MASP1: variants seen among roughly 807,000 people sequenced by gnomAD.
MASP1 encodes mannan-binding lectin serine protease 1.
A neutral mutation model predicts 77.1 loss-of-function variants in MASP1; 59 were observed. The ratio of observed to expected loss-of-function variants is 0.77; its 90% CI spans 0.62 to 0.95. The LOEUF (loss-of-function observed/expected upper bound fraction) is 0.95, where lower values mean the gene tolerates loss of function less well. MASP1 is among the 40% of genes least tolerant of loss of function. The pLI is 0.00. For missense variants in MASP1, 885 were observed against 912.9 expected, an observed-to-expected ratio of 0.97 and a Z score of 0.39; for synonymous variants, 362 against 354.5, an observed-to-expected ratio of 1.02 and a Z score of -0.24.
At position 187,257,333 on chromosome 3, in the gene MASP1, A is replaced by G. The variant is rs552343443; in HGVS notation, c.548-473T>C. Among the ~76,000 whole-genome samples the G allele has an allele frequency of 5.9e-5, 9 of 152,202 alleles. No individual in the cohort carries two copies. The South Asian group carries it at 1.9e-3, about 32-fold the overall frequency. Reference sequence around the variant, plus strand: ...CTTTATAGTGCTATTCACTCTGTTCAACTAAATGTAGCCTTAAGCTTCCTT... The same window carrying G: ...CTTTATAGTGCTATTCACTCTGTTCGACTAAATGTAGCCTTAAGCTTCCTT... On this transcript the variant is annotated intron_variant, in intron 4 of 10. Coordinates refer to ENST00000296280, the MANE Select transcript of MASP1 (RefSeq NM_139125.4).
chr3:187,220,492 C>CTTTTTTTTTTTTTTTTTTT (rs747532550), intron 15 of MASP1, among the ~76,000 whole-genome samples: 7 of 134,556 alleles, frequency 5.2e-5, no homozygotes, highest in Non-Finnish European at 1.1e-4. Context: ...TTTCTTTTTT[C>CTTTTTTTTTTTTTTTTTTT]TTTCTTTTTT....
chr3:187,289,680 TAC>T (rs1718150754), intron 1 of MASP1, among the ~76,000 whole-genome samples: 4 of 152,232 alleles, frequency 2.6e-5, no homozygotes, highest in African/African-American at 9.6e-5. Flanking sequence ...CATTCCGACG[TAC>T]AGTCAGAATT....
Position 187,253,287 on chromosome 3 carries a change from G to A in MASP1, c.773C>T (p.Pro258Leu), listed in dbSNP as rs771300183. Residue 258 changes from proline (P) to leucine (L), a missense_variant, in exon 6 of 11, where the codon CCT becomes CTT. Physicochemically the swap from Pro to Leu is moderately conservative, Grantham distance 98. Coordinates refer to ENST00000296280, the MANE Select transcript of MASP1 (RefSeq NM_139125.4). ...KIKVGPKVLG[P>L]FCGEKAPEPI... ...TTCTGGGGCTTTCTCTCCACAGAAA[G>A]GCCCCAAAACTTTTGGACCAACTTT... 42 of 1,614,032 alleles carry A rather than the reference G, an allele frequency of 2.6e-5. No individual in the cohort carries two copies. The South Asian group carries it at 4.5e-4, about 17-fold the overall frequency.
intron 2 of MASP1, among the ~76,000 whole-genome samples, chr3:187,284,990 G>T (rs1220537472): frequency 6.6e-6 from 1 of 152,194 alleles, no homozygotes; most frequent in Admixed American, 6.5e-5. Flanking sequence ...CTCTAGAGTT[G>T]TTTGATGAGA....
chr3:187,229,846 C>T (rs756959328), downstream of MASP1: 1 of 1,614,108 alleles, frequency 6.2e-7, no homozygotes, highest in Non-Finnish European at 8.5e-7. Flanking sequence ...GGCTGGGCGT[C>T]CATTGAAGAT....
rs1459245417 is a variant in MASP1, at chr3:187,260,760, T to A, written c.528A>T (p.Thr176=). The A allele has an allele frequency of 1.2e-6, 2 of 1,614,194 alleles. No individual in the cohort carries two copies. The highest frequency in any genetic ancestry group is 1.7e-6 in the Non-Finnish European group (2 of 1,180,036). Reference sequence around the variant, plus strand: ...CTCTACCTCGGCAGGTCCTGTTGTCTGTGTGGAGGATGTAGCCGAAGCGGC... The same window carrying A: ...CTCTACCTCGGCAGGTCCTGTTGTCAGTGTGGAGGATGTAGCCGAAGCGGC... The part of the protein sequence containing the change: ...CSCRFGYILH[T]DNRTCRVECS... The change falls in exon 4 of 11, where the codon ACA becomes ACT. Residue 176 remains threonine, a synonymous_variant. Coordinates refer to ENST00000296280, the MANE Select transcript of MASP1 (RefSeq NM_139125.4).
intron 8 of MASP1, 129 bp downstream of exon 8, chr3:187,250,122 T>C: frequency 2.5e-6 from 2 of 792,788 alleles, no homozygotes; most frequent in South Asian, 1.4e-5. Flanking sequence ...CCCTTGTGTG[T>C]CTGTTAAATT....
downstream of MASP1, chr3:187,229,983 T>C: frequency 6.8e-7 from 1 of 1,477,928 alleles, no homozygotes; most frequent in Non-Finnish European, 9.3e-7. Flanking sequence ...CTCACCCTGT[T>C]AGGAACATCT....
Position 187,256,870 on chromosome 3 carries a change from A to G in MASP1, c.548-10T>C, listed in dbSNP as rs1715134814. On this transcript the variant is annotated splice_polypyrimidine_tract_variant and intron_variant, in intron 4 of 10. Coordinates refer to ENST00000296280, the MANE Select transcript of MASP1 (RefSeq NM_139125.4). The stretch of plus-strand genomic sequence containing the variant: ...TTGTCACTGCACTCCACTGTTGGAA[A>G]CATAATAGAGAAAATGGCGCATCGC... 6.2e-7 allele frequency: 1 copy of G among 1,613,240 alleles called. No individual in the cohort carries two copies. Among genetic ancestry groups the G allele is most frequent in the Non-Finnish European group, 8.5e-7 (1 of 1,179,388 alleles).
At chr3:187,262,134 C>T (rs1715632440) in intron 3 of MASP1, among the ~76,000 whole-genome samples, 1 of 152,142 alleles carries the variant, frequency 6.6e-6, no homozygotes, top group Non-Finnish European at 1.5e-5. Flanking sequence ...TGGTAAAGTT[C>T]AGTGTCTTGT....
intron 14 of MASP1, chr3:187,221,235 A>G: frequency 3.9e-6 from 3 of 769,748 alleles, no homozygotes; most frequent in South Asian, 1.5e-5. Context: ...ACCTGGACGG[A>G]CCTGTGTCTA....
At position 187,277,105 on chromosome 3, in the gene MASP1, A is replaced by C. The variant is rs575876704; in HGVS notation, c.237+8720T>G. On this transcript the variant is annotated intron_variant, in intron 2 of 10. Coordinates refer to ENST00000296280, the MANE Select transcript of MASP1 (RefSeq NM_139125.4). ...CCATCAGAACTGGAAGGGTTTGGAGAGGCCAGCTGGTCCAGTTCCCTCATC... is the reference window on the plus strand; with the variant it reads ...CCATCAGAACTGGAAGGGTTTGGAGCGGCCAGCTGGTCCAGTTCCCTCATC... Among the ~76,000 whole-genome samples the C allele has an allele frequency of 1.2e-4, 19 of 152,242 alleles. No individual in the cohort carries two copies. The East Asian group carries it at 3.3e-3, about 26-fold the overall frequency.
intron 2 of MASP1, among the ~76,000 whole-genome samples, chr3:187,265,327 A>G (rs941369467): frequency 1.3e-5 from 2 of 152,202 alleles, no homozygotes; most frequent in Non-Finnish European, 1.5e-5. Context: ...AAGTGAACAC[A>G]CTGGTCATTT....
chr3:187,282,510 A>G lies in MASP1; in HGVS notation c.237+3315T>C, dbSNP rs3821811. 4.7e-3 allele frequency among the ~76,000 whole-genome samples: 616 copies of G among 131,452 alleles called. 3 individuals are homozygous for G. The highest frequency in any genetic ancestry group is 6.1e-3 in the Non-Finnish European group (384 of 63,018). The allele number at this position is 131,452 out of a possible 152,430, so 86.2% of individuals were successfully genotyped here. A position where few individuals can be genotyped will look rare whatever the true frequency, so the allele number is the denominator to read the frequency against. On this transcript the variant is annotated intron_variant, in intron 2 of 10. Coordinates refer to ENST00000296280, the MANE Select transcript of MASP1 (RefSeq NM_139125.4). ...GATTCCGTTTCAAAAAAAAAAAAAAAAAGAAGAAGAAGAAAACGTGTACTG... is the reference window on the plus strand; with the variant it reads ...GATTCCGTTTCAAAAAAAAAAAAAAGAAGAAGAAGAAGAAAACGTGTACTG...
intron 9 of MASP1, chr3:187,243,072 A>AG: frequency 3.2e-6 from 1 of 310,898 alleles, no homozygotes; most frequent in Non-Finnish European, 6.2e-6. Context: ...GTGAAGCAGT[A>AG]ATACTGGCCT....
chr3:187,262,515 C>G lies in MASP1; in HGVS notation c.415+28G>C, dbSNP rs769585497. The G allele has an allele frequency of 8.1e-6, 13 of 1,610,790 alleles. No individual in the cohort carries two copies. The South Asian group carries it at 1.2e-4, about 15-fold the overall frequency. On this transcript the variant is annotated intron_variant, in intron 3 of 10. Transcript: ENST00000296280. The stretch of plus-strand genomic sequence containing the variant: ...CATCTTCGGAGAGAGAGAGAGAGAC[C>G]TGAGGATGAGTCACTTCTCCAACTT...
At chr3:187,237,343 T>G (rs1363171443) in intron 10 of MASP1, among the ~76,000 whole-genome samples, 1 of 106,886 alleles carries the variant, frequency 9.4e-6, no homozygotes, top group African/African-American at 2.5e-5. Flanking sequence ...CTTAACTAGA[T>G]TCTAAGTCTT....
At chr3:187,267,713 C>T (rs940787609) in intron 2 of MASP1, among the ~76,000 whole-genome samples, 5 of 152,234 alleles carry the variant, frequency 3.3e-5, no homozygotes, top group African/African-American at 1.2e-4. Flanking sequence ...CCAACAGCTT[C>T]TCAGAGACCC....
chr3:187,220,750 G>T (rs901389529), intron 15 of MASP1, among the ~76,000 whole-genome samples: 1 of 151,972 alleles, frequency 6.6e-6, no homozygotes. Flanking sequence ...CACCCGCCTC[G>T]GCCTCCCAAA....
Sources: gnomAD v4.1 joint callset for allele counts (sites outside exome capture counted in the v4.1 genomes callset) on GRCh38, gnomAD v4.1.1 for gene constraint, MANE v1.5 for transcripts, NCBI Gene and HGNC (gene_info 2026-07-23, HGNC 2026-07-21) for gene names.